The following GLOD5 variants were observed in gnomAD, a reference collection of about 807,000 sequenced individuals.
GLOD5 encodes the protein glyoxalase domain-containing protein 5.
GLOD5 carries 7 observed loss-of-function variants against 9.9 expected under a neutral mutation model. The ratio of observed to expected loss-of-function variants is 0.71; its 90% CI spans 0.40 to 1.33. The LOEUF is 1.33. GLOD5 is among the 40% of genes most tolerant of loss of function. The pLI is 0.01. For synonymous variants in GLOD5, 49 were observed against 47.3 expected (o/e 1.04, Z -0.14); for missense variants, 146 against 128.4 (o/e 1.14, Z -0.66).
intron 1 of GLOD5, among the ~76,000 whole-genome samples, chrX:48,762,621 GA>G (rs1280941072): frequency 1.8e-5 from 2 of 109,444 alleles, no homozygotes; most frequent in African/African-American, 6.7e-5. Context: ...ATTTTTAATA[GA>G]GACAGGATTT....
chrX:48,768,729 C>T (rs927897164), intron 2 of GLOD5, among the ~76,000 whole-genome samples: 2 of 111,923 alleles, frequency 1.8e-5, no homozygotes, highest in Non-Finnish European at 3.8e-5. Context: ...ATCCTCAAGT[C>T]CAAAAGTGAA....
At chrX:48,763,835 C>T (rs2062602531) in intron 1 of GLOD5, among the ~76,000 whole-genome samples, 1 of 112,626 alleles carries the variant, frequency 8.9e-6, no homozygotes, top group South Asian at 3.6e-4. Context: ...GAGAGCAAAA[C>T]TCAGCAACTT....
At position 48,771,032 on chromosome X, in the gene GLOD5, A is replaced by G. The variant is rs782431717; in HGVS notation, c.307A>G (p.Ile103Val). The G allele has an allele frequency of 5.8e-6, 7 of 1,201,221 alleles. No individual in the cohort carries two copies. In the South Asian group the frequency reaches 1.1e-4, roughly 19 times the overall value. Residue 103 changes from isoleucine to valine, a missense_variant, in exon 3 of 4, where the codon ATA (isoleucine) becomes GTA (valine). By Grantham distance (29) the Ile-to-Val change is conservative. Transcript: ENST00000303227. Reference sequence around the variant, plus strand: ...TCACCCAGTTCCTGGCTCCCTGGACATATGTCTGATCACAGAGGTGCCTTT... The same window carrying G: ...TCACCCAGTTCCTGGCTCCCTGGACGTATGTCTGATCACAGAGGTGCCTTT... ...AAHPVPGSLDICLITEVPLEE... is the reference protein window; with the variant it reads ...AAHPVPGSLDVCLITEVPLEE...
chrX:48,771,355 A>C lies in GLOD5; in HGVS notation c.357+273A>C, dbSNP rs189580832. 6.4e-3 allele frequency among the ~76,000 whole-genome samples: 665 copies of C among 103,658 alleles called. 3 individuals are homozygous for C. Among genetic ancestry groups the C allele is most frequent in the Non-Finnish European group, 0.011 (544 of 50,937 alleles). 90.0% of individuals were successfully genotyped at this position (103,658 alleles called of 115,157 possible). On this transcript the variant is annotated intron_variant, in intron 3 of 3. Transcript: ENST00000303227. ...TTTTGAGACAGAGTCTTGCTCTGTT[A>C]CCCAGGCTGTAGTATAGTGGCTTGA...
rs1043139986 is a variant in GLOD5, at chrX:48,770,916, C to G, written c.202-11C>G. 2 of 1,165,234 alleles carry G rather than the reference C, an allele frequency of 1.7e-6. No homozygotes were observed. The highest frequency in any genetic ancestry group is 3.6e-5 in the African/African-American group (2 of 55,182). On this transcript the variant is annotated splice_polypyrimidine_tract_variant and intron_variant, in intron 2 of 3. Coordinates refer to ENST00000303227, the MANE Select transcript of GLOD5 (RefSeq NM_001080489.3). ...TCTAGGCTGTTTTCTCTGCCCCTCC[C>G]CACCAAGTAGGAAGACCGGAAAGCA...
intron 2 of GLOD5, among the ~76,000 whole-genome samples, chrX:48,766,654 G>A (rs1557016724): frequency 9.1e-6 from 1 of 110,231 alleles, no homozygotes; most frequent in Non-Finnish European, 1.9e-5. Context: ...GGGAGGCTGA[G>A]GCATGAGAAT....
rs1276105411 is a variant in GLOD5, at chrX:48,773,293, T to C, written c.358-17T>C. The C allele has an allele frequency of 8.3e-7, 1 of 1,208,186 alleles. No homozygotes were observed. Among genetic ancestry groups the C allele is most frequent in the Non-Finnish European group, 1.1e-6 (1 of 894,468 alleles). ...CACATTTTGACGAACGACTTTTGTC[T>C]TTTCTTCCCACTTCAGGCTTGTGAT... On this transcript the variant is annotated splice_polypyrimidine_tract_variant and intron_variant, in intron 3 of 3. Transcript: ENST00000303227.
chrX:48,768,255 G>C (rs1251065098), intron 2 of GLOD5, among the ~76,000 whole-genome samples: 7 of 112,312 alleles, frequency 6.2e-5, no homozygotes, highest in Non-Finnish European at 1.3e-4. Flanking sequence ...AGAACGTGCT[G>C]AGTGAAAAAT....
In GLOD5 at chrX:48,765,985, C is replaced by T; in HGVS notation, c.201+13C>T. ...CATGACTTTTAAGGTAAGCACTTCC[C>T]CAAATGCCAAAATTCAGGTGGGCTA... is the stretch of plus-strand genomic sequence containing the variant. On this transcript the variant is annotated intron_variant, in intron 2 of 3. Coordinates refer to ENST00000303227, the MANE Select transcript of GLOD5 (RefSeq NM_001080489.3). 11 of 1,199,958 alleles carry T rather than the reference C, an allele frequency of 9.2e-6. No individual in the cohort carries two copies. The highest frequency in any genetic ancestry group is 7.0e-5 in the African/African-American group (4 of 57,422).
intron 2 of GLOD5, 198 bp downstream of exon 2, chrX:48,766,170 G>C: frequency 5.0e-6 from 2 of 401,819 alleles, no homozygotes; most frequent in Non-Finnish European, 8.6e-6. Flanking sequence ...AATTATCATA[G>C]AAACAATGCA....
At chrX:48,771,769 G>A (rs1329552880) in intron 3 of GLOD5, among the ~76,000 whole-genome samples, 5 of 111,947 alleles carry the variant, frequency 4.5e-5, no homozygotes, top group Non-Finnish European at 9.4e-5. Context: ...TGTACTCCCT[G>A]GCCCTGACAT....
intron 1 of GLOD5, chrX:48,765,605 A>AAAGGAAAC: frequency 2.3e-6 from 1 of 433,995 alleles, no homozygotes; most frequent in Non-Finnish European, 4.1e-6. Flanking sequence ...AAAAAAAAGA[A>AAAGGAAAC]AAGGAAACAA....
At position 48,771,419 on chromosome X, in the gene GLOD5, G is replaced by A. The variant is rs782222518; in HGVS notation, c.357+337G>A. Reference sequence around the variant, plus strand: ...CAACCTCCACCTCCTGGGTTCAAGCGATTCTCCTGCCTCAGCCTCCCAAGT... The same window carrying A: ...CAACCTCCACCTCCTGGGTTCAAGCAATTCTCCTGCCTCAGCCTCCCAAGT... On this transcript the variant is annotated intron_variant, in intron 3 of 3. Transcript: ENST00000303227. Among the ~76,000 whole-genome samples, 256 of 108,076 alleles carry A rather than the reference G, an allele frequency of 2.4e-3. 2 individuals are homozygous for A. Among genetic ancestry groups the A allele is most frequent in the African/African-American group, 8.4e-3 (249 of 29,565 alleles). 93.9% of individuals were successfully genotyped at this position (108,076 alleles called of 115,157 possible). A position where few individuals can be genotyped will look rare whatever the true frequency, so the allele number is the denominator to read the frequency against.
intron 1 of GLOD5, chrX:48,762,202 C>T (rs782631500): frequency 3.0e-4 from 46 of 154,210 alleles, no homozygotes; most frequent in African/African-American, 1.4e-3. Context: ...TGACCTTGAG[C>T]TTTAGGAGAG....
chrX:48,765,691 T>C lies in GLOD5; in HGVS notation c.64-144T>C, dbSNP rs782417211. ...CACATGGGCAGTAAGACTCTACCAGTAAGTATTCTCTCAGGCCTTTCCCCT... is the reference window on the plus strand; with the variant it reads ...CACATGGGCAGTAAGACTCTACCAGCAAGTATTCTCTCAGGCCTTTCCCCT... On this transcript the variant is annotated intron_variant, in intron 1 of 3. Transcript: ENST00000303227. 8.3e-5 allele frequency: 52 copies of C among 628,924 alleles called. 1 individual carries two copies. In the South Asian group the frequency reaches 1.1e-3, roughly 13 times the overall value. The allele number at this position is 628,924 out of a possible 1,213,427, so 51.8% of individuals were successfully genotyped here.
At chrX:48,768,802 G>T (rs2062614994) in intron 2 of GLOD5, among the ~76,000 whole-genome samples, 2 of 111,305 alleles carry the variant, frequency 1.8e-5, no homozygotes, top group Non-Finnish European at 3.8e-5. Flanking sequence ...GGCTGAGATG[G>T]GTGGATCACT....
In GLOD5 at chrX:48,761,960, T is replaced by G. The variant is rs781892173; in HGVS notation, c.63+107T>G. 4.1e-5 allele frequency: 24 copies of G among 589,189 alleles called. No homozygotes were observed. In the South Asian group the frequency reaches 7.0e-4, roughly 17 times the overall value. 48.6% of individuals were successfully genotyped at this position (589,189 alleles called of 1,213,427 possible). A position where few individuals can be genotyped will look rare whatever the true frequency, so the allele number is the denominator to read the frequency against. On this transcript the variant is annotated intron_variant, in intron 1 of 3. Coordinates refer to ENST00000303227, the MANE Select transcript of GLOD5 (RefSeq NM_001080489.3). ...GGCTCCCATTTCCTGTCCTCCTCTC[T>G]CCCTTTCTCTTTCAGAGACAAGCAG...
At chrX:48,771,316 CTTT>C (rs147569348) in intron 3 of GLOD5, among the ~76,000 whole-genome samples, 6 of 99,652 alleles carry the variant, frequency 6.0e-5, no homozygotes, top group Non-Finnish European at 4.1e-5. Flanking sequence ...CACTGAAATA[CTTT>C]TTTTTTTTTT....
chrX:48,771,190 C>G, intron 3 of GLOD5, 108 bp downstream of exon 3: 2 of 531,001 alleles, frequency 3.8e-6, no homozygotes, highest in Admixed American at 9.3e-5. Context: ...AATGTCTGCA[C>G]ACAGTTATGT....
Sources: gnomAD v4.1 joint callset for allele counts (sites outside exome capture counted in the v4.1 genomes callset) on GRCh38, gnomAD v4.1.1 for gene constraint, MANE v1.5 for transcripts, NCBI Gene and HGNC (gene_info 2026-07-23, HGNC 2026-07-21) for gene names.